Variants in MAT2B observed in about 807,000 individuals in gnomAD.
The protein encoded by MAT2B is methionine adenosyltransferase 2 subunit beta.
MAT2B carries 16 observed loss-of-function variants against 36.1 expected under a neutral mutation model. That is an observed-to-expected ratio of 0.44 (90% CI 0.30 to 0.67). The LOEUF is 0.67. MAT2B is among the 30% of genes least tolerant of loss of function. MAT2B has a pLI of 0.09. For missense variants in MAT2B, 332 were observed against 398.2 expected, an observed-to-expected ratio of 0.83 and a Z score of 1.42; for synonymous variants, 148 against 136.9, an observed-to-expected ratio of 1.08 and a Z score of -0.57.
chr5:163,512,556 A>G (rs113105209), intron 2 of MAT2B: 17 of 386,030 alleles, frequency 4.4e-5, no homozygotes, highest in African/African-American at 2.5e-4. Flanking sequence ...TTTCGGTATC[A>G]TTGATACTAT....
At chr5:163,503,433 T>C, upstream of MAT2B, 2 of 1,613,358 alleles carry the variant, frequency 1.2e-6, no homozygotes, top group Non-Finnish European at 1.7e-6. Flanking sequence ...AGGTAAGAAC[T>C]AGCAATTCAA....
At chr5:163,503,105 A>T (rs1028028969), upstream of MAT2B, 1 of 392,650 alleles carries the variant, frequency 2.5e-6, no homozygotes, top group East Asian at 4.0e-5. Flanking sequence ...AGTTCTACCA[A>T]ATAGTTTTGC....
At chr5:163,515,775 T>TC (rs57365450) in intron 4 of MAT2B, among the ~76,000 whole-genome samples, 24,842 of 85,912 alleles carry the variant, frequency 0.29, 3,356 homozygotes, top group African/African-American at 0.45. Context: ...TTTTTCTTTT[T>TC]TTTTTTTTTT....
chr5:163,511,427 A>G (rs941009565), intron 1 of MAT2B, among the ~76,000 whole-genome samples: 2 of 141,726 alleles, frequency 1.4e-5, no homozygotes, highest in African/African-American at 5.2e-5. Flanking sequence ...CCTGTAGCTC[A>G]GCTAATTTTT....
chr5:163,516,478 ATCAG>A lies in MAT2B; in HGVS notation c.527-35_527-32del, dbSNP rs1405544262. 4 of 1,532,952 alleles carry A rather than the reference ATCAG, an allele frequency of 2.6e-6. No homozygotes were observed. The African/African-American group carries it at 4.1e-5, about 16-fold the overall frequency. The allele number at this position is 1,532,952 out of a possible 1,614,324, so 95.0% of individuals were successfully genotyped here. ...TTGTATCTTACATCAAAATTTAAGA[ATCAG>A]TCAGCTTTAAATTATTTGCTTTTAT... On this transcript the variant is annotated intron_variant, in intron 4 of 6. Transcript: ENST00000321757.
rs1760082738 is a variant in MAT2B, at chr5:163,513,551, C to T, written c.259-4C>T. On this transcript the variant is annotated splice_polypyrimidine_tract_variant and splice_region_variant and intron_variant, in intron 2 of 6. Transcript: ENST00000321757. The stretch of plus-strand genomic sequence containing the variant: ...TTAAAAATACGTCAATGCTTAACTT[C>T]TAGCCCCATGTTATAGTACATTGTG... The T allele has an allele frequency of 5.8e-6, 9 of 1,550,462 alleles. No homozygotes were observed. The East Asian group carries it at 2.0e-4, about 35-fold the overall frequency.
chr5:163,504,392 CTT>C (rs1408710328), upstream of MAT2B, among the ~76,000 whole-genome samples: 1 of 151,690 alleles, frequency 6.6e-6, no homozygotes, highest in Non-Finnish European at 1.5e-5. Flanking sequence ...TCTAGAGAAA[CTT>C]TATGTTTACA....
chr5:163,513,512 CATTTT>C (rs770050441), intron 2 of MAT2B, 38 bp from the exon 3 acceptor site: 159 of 1,159,288 alleles, frequency 1.4e-4, no homozygotes, highest in Middle Eastern at 2.0e-4. Flanking sequence ...ATACCTCTTT[CATTTT>C]ATTTTGAGTT....
chr5:163,513,744 T>C (rs1178099456), intron 3 of MAT2B, 75 bp downstream of exon 3: 4 of 1,507,408 alleles, frequency 2.7e-6, no homozygotes, highest in African/African-American at 2.8e-5. Flanking sequence ...GTTTTGTAGA[T>C]GGTTATTTGT....
At position 163,518,413 on chromosome 5, in the gene MAT2B, T is replaced by C; in HGVS notation, c.*50T>C. The C allele has an allele frequency of 2.0e-6, 3 of 1,476,694 alleles. No homozygotes were observed. The highest frequency in any genetic ancestry group is 1.8e-6 in the Non-Finnish European group (2 of 1,088,852). 91.5% of individuals were successfully genotyped at this position (1,476,694 alleles called of 1,614,324 possible). A position where few individuals can be genotyped will look rare whatever the true frequency, so the allele number is the denominator to read the frequency against. Reference sequence around the variant, plus strand: ...TTTTTTAAATGAAAAGTATAGTATGTGGCACTTTTTAAAGAACAAAGGAAA... The same window carrying C: ...TTTTTTAAATGAAAAGTATAGTATGCGGCACTTTTTAAAGAACAAAGGAAA... On this transcript the variant is annotated 3_prime_UTR_variant, in exon 7 of 7. Transcript: ENST00000321757.
chr5:163,503,578 G>C (rs1759882028), upstream of MAT2B, among the ~76,000 whole-genome samples: 1 of 152,210 alleles, frequency 6.6e-6, no homozygotes, highest in Admixed American at 6.5e-5. Context: ...GGACATGGAA[G>C]AATAAGCCAA....
At chr5:163,511,929 C>T (rs1760053203) in intron 1 of MAT2B, 73 bp from the exon 2 acceptor site, 10 of 1,094,842 alleles carry the variant, frequency 9.1e-6, no homozygotes, top group South Asian at 5.9e-5. Context: ...TAGGGAACAA[C>T]GATGGTGCCT....
chr5:163,509,449 A>T (rs1760001640), intron 1 of MAT2B, among the ~76,000 whole-genome samples: 1 of 152,150 alleles, frequency 6.6e-6, no homozygotes, highest in African/African-American at 2.4e-5. Flanking sequence ...CCAAATCACG[A>T]TGATCAGCAT....
intron 6 of MAT2B, 125 bp downstream of exon 6, chr5:163,517,799 G>T: frequency 1.7e-6 from 1 of 592,480 alleles, no homozygotes; most frequent in Non-Finnish European, 3.1e-6. Context: ...TGTTCATAGT[G>T]CTACTTTTCT....
chr5:163,513,864 C>G lies in MAT2B; in HGVS notation c.396C>G (p.Ile132Met). Residue 132 changes from isoleucine (I) to methionine (M), a missense_variant, in exon 4 of 7, where the codon ATC becomes ATG. Ile to Met is a conservative substitution (Grantham distance 10). Coordinates refer to ENST00000321757, the MANE Select transcript of MAT2B (RefSeq NM_013283.5). ...TAGCTGCTGTTGGAGCATTTCTCATCTACATTAGCTCAGATTATGTATTTG... is the reference window on the plus strand; with the variant it reads ...TAGCTGCTGTTGGAGCATTTCTCATGTACATTAGCTCAGATTATGTATTTG... ...KEAAAVGAFL[I>M]YISSDYVFDG... is the part of the protein sequence containing the mutation. 1 of 1,610,662 alleles carries G rather than the reference C, an allele frequency of 6.2e-7. No individual in the cohort carries two copies. The highest frequency in any genetic ancestry group is 8.5e-7 in the Non-Finnish European group (1 of 1,178,828).
At chr5:163,511,890 T>G (rs1477129190) in intron 1 of MAT2B, 112 bp from the exon 2 acceptor site, 1 of 788,652 alleles carries the variant, frequency 1.3e-6, no homozygotes, top group Non-Finnish European at 2.1e-6. Flanking sequence ...ATATGGGACA[T>G]GAGTCAAAAT....
At chr5:163,512,647 G>A (rs1221063331) in intron 2 of MAT2B, 2 of 439,198 alleles carry the variant, frequency 4.6e-6, no homozygotes, top group Non-Finnish European at 9.1e-6. Context: ...GTCCAAATTG[G>A]GGGATAAAAC....
At position 163,516,584 on chromosome 5, in the gene MAT2B, CTG is replaced by C; in HGVS notation, c.595_596del (p.Val199TyrfsTer3). On this transcript the variant is annotated frameshift_variant, in exon 5 of 7. Coordinates refer to ENST00000321757, the MANE Select transcript of MAT2B (RefSeq NM_013283.5). LOFTEE classifies it high-confidence loss of function. ...GAAAAGCTCGAAGAAAGTGCTGTGA[CTG>C]TTATGTTTGATAAAGTGCAGTTCAG... 1 of 1,614,160 alleles carries C rather than the reference CTG, an allele frequency of 6.2e-7. No individual in the cohort carries two copies.
chr5:163,512,898 C>A (rs183323348), intron 2 of MAT2B: 66 of 293,792 alleles, frequency 2.2e-4, no homozygotes, highest in African/African-American at 1.5e-3. Context: ...CCAGGCTGGT[C>A]TTGAACTCCT....
Sources: allele counts gnomAD v4.1 joint callset (sites outside exome capture counted in the v4.1 genomes callset), GRCh38; gene constraint gnomAD v4.1.1; transcripts MANE v1.5; gene names NCBI Gene and HGNC (gene_info 2026-07-23, HGNC 2026-07-21).